ZFC3H1: variants seen among roughly 807,000 people sequenced by gnomAD.
The protein encoded by ZFC3H1 is zinc finger C3H1-type containing, also known as zinc finger C3H1 domain-containing protein.
A neutral mutation model predicts 243.7 loss-of-function variants in ZFC3H1; 71 were observed. The ratio of observed to expected loss-of-function variants is 0.29; its 90% CI spans 0.24 to 0.36. The LOEUF is 0.36. Among genes scored for constraint, ZFC3H1 ranks in the 10% least tolerant of loss-of-function variants. The pLI is 1.00. For synonymous variants in ZFC3H1, 838 were observed against 813.0 expected, an observed-to-expected ratio of 1.03 and a Z score of -0.52; for missense variants, 1,966 against 2,317.1, an observed-to-expected ratio of 0.85 and a Z score of 3.11.
chr12:71,648,432 A>G (rs560052521), intron 2 of ZFC3H1, among the ~76,000 whole-genome samples: 277 of 152,350 alleles, frequency 1.8e-3, no homozygotes, highest in African/African-American at 5.9e-3. Context: ...ATCACATGAT[A>G]AAGTTACAGA....
intron 21 of ZFC3H1, 96 bp downstream of exon 21, chr12:71,627,655 A>G: frequency 8.4e-7 from 1 of 1,196,948 alleles, no homozygotes; most frequent in Non-Finnish European, 1.2e-6. Flanking sequence ...CATTGATACT[A>G]GGAAAGAAAC....
chr12:71,659,713 T>C (rs191275152), intron 1 of ZFC3H1, among the ~76,000 whole-genome samples: 4 of 152,334 alleles, frequency 2.6e-5, no homozygotes, highest in Non-Finnish European at 1.5e-5. Flanking sequence ...TATCCCTATC[T>C]ATACAGAAGC....
chr12:71,626,527 T>C, intron 21 of ZFC3H1, 81 bp from the exon 22 acceptor site: 1 of 1,226,670 alleles, frequency 8.2e-7, no homozygotes, highest in Non-Finnish European at 1.1e-6. Context: ...ATGAGTCAAT[T>C]TTAAAATTCC....
At chr12:71,628,040 A>T in intron 20 of ZFC3H1, 106 bp from the exon 21 acceptor site, 1 of 1,131,240 alleles carries the variant, frequency 8.8e-7, no homozygotes, top group Non-Finnish European at 1.2e-6. Flanking sequence ...AAACCTAAAG[A>T]TTCTAATGAC....
intron 30 of ZFC3H1, 85 bp from the exon 31 acceptor site, chr12:71,613,520 T>C: frequency 1.2e-6 from 1 of 842,398 alleles, no homozygotes; most frequent in Non-Finnish European, 1.8e-6. Context: ...AAAACCAAAA[T>C]GGTCTTTAAG....
Position 71,626,490 on chromosome 12 carries a change from C to A in ZFC3H1, c.4131-44G>T, listed in dbSNP as rs755571376. 147 of 1,515,046 alleles carry A rather than the reference C, an allele frequency of 9.7e-5. 1 individual carries two copies. In the Middle Eastern group the frequency reaches 1.8e-3, roughly 19 times the overall value. 93.9% of individuals were successfully genotyped at this position (1,515,046 alleles called of 1,614,324 possible). A position where few individuals can be genotyped will look rare whatever the true frequency, so the allele number is the denominator to read the frequency against. ...AGGTGGAAGTGCTTTTTAGAACCTGCTTGAAAATTTAAATAGGGCTAATCC... is the reference window on the plus strand; with the variant it reads ...AGGTGGAAGTGCTTTTTAGAACCTGATTGAAAATTTAAATAGGGCTAATCC... On this transcript the variant is annotated intron_variant, in intron 21 of 34. Coordinates refer to ENST00000378743, the MANE Select transcript of ZFC3H1 (RefSeq NM_144982.5).
At chr12:71,640,652 T>C (rs1215716709) in intron 6 of ZFC3H1, among the ~76,000 whole-genome samples, 1 of 152,248 alleles carries the variant, frequency 6.6e-6, no homozygotes, top group Non-Finnish European at 1.5e-5. Flanking sequence ...GGATGCCCAC[T>C]GCCTCTGGCC....
In ZFC3H1 at chr12:71,638,322, T is replaced by C. The variant is rs149134794; in HGVS notation, c.1725+96A>G. On this transcript the variant is annotated intron_variant, in intron 7 of 34. Transcript: ENST00000378743. ...ATTAATTCTTGGTAAGCAATTCTGA[T>C]TTTTTAAGCCCTCTTCAAACCTAAC... 3.8e-5 allele frequency: 47 copies of C among 1,237,516 alleles called. No individual in the cohort carries two copies. In the East Asian group the frequency reaches 1.1e-3, roughly 29 times the overall value. The allele number at this position is 1,237,516 out of a possible 1,614,324, so 76.7% of individuals were successfully genotyped here.
intron 19 of ZFC3H1, among the ~76,000 whole-genome samples, 163 bp from the exon 20 acceptor site, chr12:71,629,200 A>C (rs1880250632): frequency 1.3e-5 from 2 of 148,148 alleles, no homozygotes. Flanking sequence ...TCTGTCACCC[A>C]GGCTGGAGTG....
At chr12:71,662,505 CCA>C (rs1169524997) in intron 1 of ZFC3H1, among the ~76,000 whole-genome samples, 1 of 146,852 alleles carries the variant, frequency 6.8e-6, no homozygotes, top group Non-Finnish European at 1.5e-5. Context: ...CCTCCCCCCC[CCA>C]CTTTAAAAGG....
intron 21 of ZFC3H1, 146 bp from the exon 22 acceptor site, chr12:71,626,592 G>C: frequency 1.4e-6 from 1 of 710,210 alleles, no homozygotes; most frequent in Non-Finnish European, 2.1e-6. Context: ...AGGGGTACTA[G>C]ATTTCAGATT....
At chr12:71,648,850 G>A (rs1384606506) in intron 2 of ZFC3H1, among the ~76,000 whole-genome samples, 2 of 152,108 alleles carry the variant, frequency 1.3e-5, no homozygotes, top group Non-Finnish European at 2.9e-5. Flanking sequence ...AGTGCTTTGG[G>A]AGGCCGAGGC....
chr12:71,630,505 T>C (rs533546655), intron 18 of ZFC3H1, 95 bp downstream of exon 18: 83 of 1,442,030 alleles, frequency 5.8e-5, no homozygotes, highest in Admixed American at 1.1e-4. Flanking sequence ...CACTGAATTA[T>C]AGTAAGTATT....
At chr12:71,658,279 T>C (rs1232056117) in intron 1 of ZFC3H1, among the ~76,000 whole-genome samples, 1 of 141,584 alleles carries the variant, frequency 7.1e-6, no homozygotes, top group African/African-American at 2.7e-5. Flanking sequence ...ACATCATTTA[T>C]AGATTTTTTT....
chr12:71,644,064 C>A, intron 5 of ZFC3H1, 31 bp downstream of exon 5: 9 of 1,562,700 alleles, frequency 5.8e-6, no homozygotes, highest in Non-Finnish European at 7.9e-6. Flanking sequence ...CTTAGAGTAA[C>A]GTTTTGATTT....
chr12:71,620,011 G>C lies in ZFC3H1; in HGVS notation c.4964C>G (p.Ala1655Gly), dbSNP rs1385861492. 1 of 1,613,404 alleles carries C rather than the reference G, an allele frequency of 6.2e-7. No homozygotes were observed. The highest frequency in any genetic ancestry group is 8.5e-7 in the Non-Finnish European group (1 of 1,179,812). ...LYLQTNQHDKARAVWLTAFEK... is the reference protein window; with the variant it reads ...LYLQTNQHDKGRAVWLTAFEK... ...AAATGCAGTAAGCCACACTGCTCTG[G>C]CTTTGTCATGCTGATTTGTTTGCAA... The change falls in exon 26 of 35, where the codon GCC (alanine) becomes GGC (glycine). Residue 1655 changes from alanine to glycine, a missense_variant. Physicochemically the swap from Ala to Gly is moderately conservative, Grantham distance 60 (BLOSUM62 0). Coordinates refer to ENST00000378743, the MANE Select transcript of ZFC3H1 (RefSeq NM_144982.5).
chr12:71,648,879 C>T (rs1333471602), intron 2 of ZFC3H1, among the ~76,000 whole-genome samples: 1 of 151,990 alleles, frequency 6.6e-6, no homozygotes, highest in African/African-American at 2.4e-5. Flanking sequence ...CACCTGAGGT[C>T]AGGAGTTCAA....
chr12:71,653,738 G>A (rs1171309192), intron 2 of ZFC3H1, among the ~76,000 whole-genome samples: 1 of 152,228 alleles, frequency 6.6e-6, no homozygotes, highest in Admixed American at 6.5e-5. Context: ...ATTAGGGGCT[G>A]GGTGTGGTGG....
intron 3 of ZFC3H1, among the ~76,000 whole-genome samples, chr12:71,646,252 A>G (rs568735706): frequency 2.4e-4 from 37 of 152,334 alleles, no homozygotes; most frequent in Admixed American, 8.5e-4. Context: ...CATGTAAGCA[A>G]TAATTTTAAA....
Sources: allele counts gnomAD v4.1 joint callset (sites outside exome capture counted in the v4.1 genomes callset), GRCh38; gene constraint gnomAD v4.1.1; transcripts MANE v1.5; gene names NCBI Gene and HGNC (gene_info 2026-07-23, HGNC 2026-07-21).